The following CEACAM3 variants were observed in gnomAD, a reference collection of about 807,000 sequenced individuals.
CEACAM3 encodes the protein cell adhesion molecule CEACAM3.
CEACAM3 carries 32 observed loss-of-function variants against 30.1 expected under a neutral mutation model. The ratio of observed to expected loss-of-function variants is 1.06; its 90% CI spans 0.80 to 1.43. The LOEUF is 1.43. CEACAM3 is among the 40% of genes most tolerant of loss of function. The pLI, the probability that CEACAM3 is intolerant of heterozygous loss-of-function variation, is 0.00. For missense variants in CEACAM3, 290 were observed against 316.3 expected (o/e 0.92, Z 0.63); for synonymous variants, 134 against 127.2 (o/e 1.05, Z -0.36).
chr19:41,798,201 G>A (rs2073119777), intron 2 of CEACAM3, among the ~76,000 whole-genome samples: 1 of 152,186 alleles, frequency 6.6e-6, no homozygotes, highest in African/African-American at 2.4e-5. Context: ...GGCAAGGTCA[G>A]TGTCAGAAAA....
intron 2 of CEACAM3, among the ~76,000 whole-genome samples, chr19:41,799,219 C>T (rs1327928444): frequency 6.6e-6 from 1 of 152,180 alleles, no homozygotes; most frequent in East Asian, 1.9e-4. Context: ...TCATGGGGGG[C>T]TGTTTCTCAT....
intron 2 of CEACAM3, among the ~76,000 whole-genome samples, chr19:41,808,371 A>G (rs143610796): frequency 6.6e-6 from 1 of 152,100 alleles, no homozygotes; most frequent in Non-Finnish European, 1.5e-5. Context: ...TAAGGATGAG[A>G]TGAGTTGTAG....
Position 41,808,862 on chromosome 19 carries a change from C to CG in CEACAM3, c.478dup (p.Val160GlyfsTer28), listed in dbSNP as rs781908319. The CG allele has an allele frequency of 1.9e-6, 3 of 1,611,076 alleles. No homozygotes were observed. The highest frequency in any genetic ancestry group is 2.5e-6 in the Non-Finnish European group (3 of 1,178,490). On this transcript the variant is annotated frameshift_variant, in exon 3 of 7. Coordinates refer to ENST00000357396, the MANE Select transcript of CEACAM3 (RefSeq NM_001815.5). LOFTEE classifies it high-confidence loss of function. ...TGGGGGCCGTCGCCGGCATCGTGAC[C>CG]GGGGTCCTGGTCGGAGTGGCGCTGG...
intron 2 of CEACAM3, chr19:41,807,498 G>A: frequency 7.0e-7 from 1 of 1,420,236 alleles, no homozygotes. Context: ...CACCCAGGCT[G>A]GCCATCACTT....
At chr19:41,800,997 G>T (rs972462793) in intron 2 of CEACAM3, among the ~76,000 whole-genome samples, 1 of 152,022 alleles carries the variant, frequency 6.6e-6, no homozygotes, top group Non-Finnish European at 1.5e-5. Context: ...TCCCTACACT[G>T]GTTCTAGAAT....
chr19:41,803,466 G>GTTTTTTTT (rs1555826261), intron 2 of CEACAM3, among the ~76,000 whole-genome samples: 5 of 125,592 alleles, frequency 4.0e-5, no homozygotes, highest in South Asian at 2.7e-4. Flanking sequence ...GTGTTGTTTT[G>GTTTTTTTT]TTTGTTTTTT....
intron 2 of CEACAM3, among the ~76,000 whole-genome samples, chr19:41,808,372 T>G (rs1270877709): frequency 6.6e-6 from 1 of 152,134 alleles, no homozygotes; most frequent in Non-Finnish European, 1.5e-5. Flanking sequence ...AAGGATGAGA[T>G]GAGTTGTAGG....
intron 2 of CEACAM3, among the ~76,000 whole-genome samples, chr19:41,804,894 T>A (rs1362918529): frequency 6.6e-6 from 1 of 152,016 alleles, no homozygotes; most frequent in African/African-American, 2.4e-5. Flanking sequence ...TCCTGACAAA[T>A]TTTTAAGGGC....
At chr19:41,800,636 G>T (rs2073138328) in intron 2 of CEACAM3, among the ~76,000 whole-genome samples, 1 of 152,110 alleles carries the variant, frequency 6.6e-6, no homozygotes, top group Non-Finnish European at 1.5e-5. Context: ...AGTACTAAAA[G>T]TCTCTGATAT....
Position 41,797,816 on chromosome 19 carries a change from C to G in CEACAM3, c.292C>G (p.Arg98Gly), listed in dbSNP as rs201591864. The change falls in exon 2 of 7, where the codon CGA becomes GGA. Residue 98 changes from arginine (R) to glycine (G), a missense_variant. Physicochemically the swap from Arg to Gly is moderately radical, Grantham distance 125. Coordinates refer to ENST00000357396, the MANE Select transcript of CEACAM3 (RefSeq NM_001815.5). ...QATPGAAYSG[R>G]ETIYTNASLL... ...TACCCCAGGGGCCGCATACAGCGGT[C>G]GAGAGACAATATACACCAATGCATC... The G allele has an allele frequency of 1.9e-6, 3 of 1,612,778 alleles. No homozygotes were observed. The East Asian group carries it at 6.7e-5, about 36-fold the overall frequency.
chr19:41,808,195 T>C (rs2073218722), intron 2 of CEACAM3, among the ~76,000 whole-genome samples: 1 of 152,218 alleles, frequency 6.6e-6, no homozygotes. Context: ...CCTCCCCTTG[T>C]TGTTCTGATT....
At chr19:41,798,045 A>G in intron 2 of CEACAM3, 97 bp downstream of exon 2, 2 of 1,522,590 alleles carry the variant, frequency 1.3e-6, no homozygotes, top group Non-Finnish European at 1.8e-6. Flanking sequence ...CCCTCTCTGC[A>G]TTACATTCTG....
Position 41,810,831 on chromosome 19 carries a change from G to A in CEACAM3, c.628-1G>A. ...CCATGACCCTCCCTCCCTGTCCACA[G>A]ATGTCCCCTCTCTCCACTGCCCAGG... On this transcript the variant is annotated splice_acceptor_variant, in intron 5 of 6. Transcript: ENST00000357396. LOFTEE classifies it high-confidence loss of function. The A allele has an allele frequency of 6.2e-7, 1 of 1,612,268 alleles. No individual in the cohort carries two copies.
At chr19:41,803,426 ATGTGTG>A (rs1164324050) in intron 2 of CEACAM3, among the ~76,000 whole-genome samples, 435 of 128,990 alleles carry the variant, frequency 3.4e-3, no homozygotes, top group African/African-American at 0.012. Flanking sequence ...TTGTGTGTGT[ATGTGTG>A]TGTGTGTGTG....
chr19:41,810,226 G>C (rs1351751335), intron 4 of CEACAM3, 97 bp from the exon 5 acceptor site: 1 of 1,471,330 alleles, frequency 6.8e-7, no homozygotes, highest in Non-Finnish European at 9.4e-7. Context: ...AACCTCAGCT[G>C]CTCAGGTATC....
At chr19:41,807,503 T>C in intron 2 of CEACAM3, 1 of 1,430,804 alleles carries the variant, frequency 7.0e-7, no homozygotes, top group Non-Finnish European at 9.3e-7. Flanking sequence ...AGGCTGGCCA[T>C]CACTTCCTGT....
Position 41,797,221 on chromosome 19 carries a change from G to C in CEACAM3, c.65-368G>C, listed in dbSNP as rs542282768. On this transcript the variant is annotated intron_variant, in intron 1 of 6. Coordinates refer to ENST00000357396, the MANE Select transcript of CEACAM3 (RefSeq NM_001815.5). ...GAAGATAGACACCCAAAGAGATCTA[G>C]AATGTGAGTTCAGGTGTTGACAAGA... The C allele has an allele frequency of 7.4e-5, 20 of 271,354 alleles. No individual in the cohort carries two copies. The East Asian group carries it at 1.4e-3, about 19-fold the overall frequency. The allele number at this position is 271,354 out of a possible 1,614,324, so 16.8% of individuals were successfully genotyped here.
chr19:41,810,196 G>A, intron 4 of CEACAM3, 127 bp from the exon 5 acceptor site: 2 of 1,341,992 alleles, frequency 1.5e-6, no homozygotes, highest in Non-Finnish European at 1.0e-6. Flanking sequence ...TGTGGGCTCT[G>A]GGTCATGGGT....
chr19:41,797,400 T>G, intron 1 of CEACAM3, 189 bp from the exon 2 acceptor site: 2 of 701,316 alleles, frequency 2.9e-6, no homozygotes, highest in Non-Finnish European at 4.7e-6. Context: ...GGGAAGGGGA[T>G]TCCACACAGG....
Sources: gnomAD v4.1 joint callset for allele counts (sites outside exome capture counted in the v4.1 genomes callset) on GRCh38, gnomAD v4.1.1 for gene constraint, MANE v1.5 for transcripts, NCBI Gene and HGNC (gene_info 2026-07-23, HGNC 2026-07-21) for gene names.